Variants in BNC2 observed in about 807,000 individuals in gnomAD.
BNC2 encodes zinc finger protein basonuclin-2.
Under a neutral mutation model 76.3 loss-of-function variants are expected in BNC2, and 20 were observed. The observed-to-expected ratio is 0.26, with a 90% CI of 0.18 to 0.38. The LOEUF (loss-of-function observed/expected upper bound fraction) is 0.38. Ranked by LOEUF, BNC2 falls within the 10% of genes least tolerant of loss-of-function variation. The pLI is 1.00. For synonymous variants in BNC2, 582 were observed against 514.8 expected (o/e 1.13, Z -1.77); for missense variants, 1,382 against 1,399.8 (o/e 0.99, Z 0.20).
At chr9:16,542,206 T>C (rs1337060385) in intron 5 of BNC2, among the ~76,000 whole-genome samples, 1 of 152,106 alleles carries the variant, frequency 6.6e-6, no homozygotes, top group Non-Finnish European at 1.5e-5. Context: ...AAAATGCTTT[T>C]CTGGGGGCTA....
chr9:16,608,890 C>T (rs1308470810), intron 3 of BNC2, among the ~76,000 whole-genome samples: 4 of 152,156 alleles, frequency 2.6e-5, no homozygotes, highest in Admixed American at 2.6e-4. Flanking sequence ...ATATGCTCAA[C>T]ATTTCTTCAA....
chr9:16,750,720 T>C (rs1480392974), intron 1 of BNC2, among the ~76,000 whole-genome samples: 1 of 152,266 alleles, frequency 6.6e-6, no homozygotes, highest in East Asian at 1.9e-4. Flanking sequence ...TTTCAACTCT[T>C]TGTTAATGAA....
In BNC2 at chr9:16,435,567, C is replaced by T. The variant is rs770491820; in HGVS notation, c.2627G>A (p.Arg876Gln). The change falls in exon 6 of 7, where the codon CGA becomes CAA. Residue 876 changes from arginine to glutamine, a missense_variant. Physicochemically the swap from Arg to Gln is conservative, Grantham distance 43. Coordinates refer to ENST00000380672, the MANE Select transcript of BNC2 (RefSeq NM_017637.6). Reference sequence around the variant, plus strand: ...GAGATTTACTGACCTGTCTCGGCTTCGGCGAGAGGGGAATGCAGCATTGCA... The same window carrying T: ...GAGATTTACTGACCTGTCTCGGCTTTGGCGAGAGGGGAATGCAGCATTGCA... ...AGCNAAFPSR[R>Q]SRDRHSANIN... is the part of the protein sequence containing the mutation. 5 of 1,613,940 alleles carry T rather than the reference C, an allele frequency of 3.1e-6. No individual in the cohort carries two copies. The highest frequency in any genetic ancestry group is 1.1e-5 in the South Asian group (1 of 91,068).
At chr9:16,806,696 G>C (rs10121347) in intron 1 of BNC2, among the ~76,000 whole-genome samples, 16,305 of 152,126 alleles carry the variant, frequency 0.11, 1,359 homozygotes, top group East Asian at 0.32. Context: ...CTTCATATTA[G>C]TTCTTCCTAT....
intron 3 of BNC2, among the ~76,000 whole-genome samples, chr9:16,720,118 CAA>C (rs1824106636): frequency 6.6e-6 from 1 of 152,220 alleles, no homozygotes; most frequent in Non-Finnish European, 1.5e-5. Flanking sequence ...TGCCCTTACT[CAA>C]AGAACCCTTC....
chr9:16,708,217 C>T (rs769106213), intron 3 of BNC2, among the ~76,000 whole-genome samples: 15 of 152,146 alleles, frequency 9.9e-5, no homozygotes, highest in Non-Finnish European at 1.9e-4. Flanking sequence ...GATAACCAGC[C>T]GTGATTTCCA....
At chr9:16,673,595 C>T (rs930035933) in intron 3 of BNC2, among the ~76,000 whole-genome samples, 1 of 152,098 alleles carries the variant, frequency 6.6e-6, no homozygotes, top group Non-Finnish European at 1.5e-5. Flanking sequence ...ACCATCATCA[C>T]ATCACATTAA....
chr9:16,446,661 A>G (rs993128480), intron 5 of BNC2, among the ~76,000 whole-genome samples: 4 of 152,172 alleles, frequency 2.6e-5, no homozygotes, highest in Non-Finnish European at 1.5e-5. Flanking sequence ...TTTGATTTAA[A>G]AAATTTACTG....
intron 1 of BNC2, among the ~76,000 whole-genome samples, chr9:16,869,435 G>A (rs1819622251): frequency 6.6e-6 from 1 of 152,052 alleles, no homozygotes; most frequent in Admixed American, 6.5e-5. Flanking sequence ...GTGTGTGTAC[G>A]CGCCCCTGCA....
intron 1 of BNC2, among the ~76,000 whole-genome samples, chr9:16,791,176 C>T (rs547435950): frequency 6.0e-4 from 91 of 152,206 alleles, no homozygotes; most frequent in African/African-American, 2.2e-3. Flanking sequence ...ATTCTCCTGC[C>T]TCAGCCTCCC....
chr9:16,547,510 C>A (rs1417929272), intron 5 of BNC2, among the ~76,000 whole-genome samples: 1 of 152,066 alleles, frequency 6.6e-6, no homozygotes, highest in African/African-American at 2.4e-5. Context: ...AGTGAGGAGG[C>A]CAGAAAAATA....
intron 1 of BNC2, among the ~76,000 whole-genome samples, chr9:16,790,418 AT>A (rs1286944443): frequency 2.0e-5 from 3 of 152,238 alleles, no homozygotes; most frequent in Non-Finnish European, 2.9e-5. Flanking sequence ...AAGTATATTT[AT>A]TTAGTACTCT....
rs1224628401 is a variant in BNC2 at position 16,415,619 on chromosome 9, C to T, written c.*3370G>A. On this transcript the variant is annotated 3_prime_UTR_variant, in exon 7 of 7. Transcript: ENST00000380672. ...TAAAACGCTGATCTCTTTATCCTTC[C>T]TGTTTGCAAATAAGCCATGGGATCA... 5 of 152,202 alleles carry T rather than the reference C, an allele frequency of 3.3e-5. No homozygotes were observed. The highest frequency in any genetic ancestry group is 1.2e-4 in the African/African-American group (5 of 41,452). 9.4% of individuals were successfully genotyped at this position (152,202 alleles called of 1,614,324 possible).
intron 5 of BNC2, among the ~76,000 whole-genome samples, chr9:16,523,475 C>T (rs953673983): frequency 2.2e-5 from 2 of 91,630 alleles, no homozygotes; most frequent in Non-Finnish European, 4.7e-5. Flanking sequence ...CGTCTCAAAA[C>T]AAAAAAAAAA....
chr9:16,741,041 G>A (rs902191144), intron 1 of BNC2, among the ~76,000 whole-genome samples: 10 of 152,118 alleles, frequency 6.6e-5, no homozygotes, highest in Non-Finnish European at 1.0e-4. Flanking sequence ...CTAACAGGGT[G>A]CTCAATAAAT....
chr9:16,629,743 T>TA (rs982803071), intron 3 of BNC2, among the ~76,000 whole-genome samples: 31 of 152,012 alleles, frequency 2.0e-4, no homozygotes, highest in Admixed American at 4.6e-4. Flanking sequence ...GCATTATGTC[T>TA]AAAAAAAACA....
chr9:16,532,986 G>A (rs537535685), intron 5 of BNC2, among the ~76,000 whole-genome samples: 3 of 152,244 alleles, frequency 2.0e-5, no homozygotes, highest in South Asian at 2.1e-4. Flanking sequence ...CCAACACAAC[G>A]CTAGCAATGT....
intron 1 of BNC2, among the ~76,000 whole-genome samples, chr9:16,834,658 T>G (rs1380979988): frequency 6.6e-6 from 1 of 152,214 alleles, no homozygotes; most frequent in Non-Finnish European, 1.5e-5. Context: ...GATTATCTAA[T>G]AATACCGGTC....
chr9:16,485,395 C>T (rs1822142733), intron 5 of BNC2, among the ~76,000 whole-genome samples: 1 of 152,166 alleles, frequency 6.6e-6, no homozygotes, highest in East Asian at 1.9e-4. Flanking sequence ...GTTCATTAAG[C>T]ATCTGTTACT....
Sources: allele counts gnomAD v4.1 joint callset (sites outside exome capture counted in the v4.1 genomes callset), GRCh38; gene constraint gnomAD v4.1.1; transcripts MANE v1.5; gene names NCBI Gene and HGNC (gene_info 2026-07-23, HGNC 2026-07-21).